The following NSG1 variants were observed in gnomAD, a reference collection of about 807,000 sequenced individuals.
NSG1 encodes the protein neuronal vesicle trafficking associated 1.
Under a neutral mutation model 19.3 loss-of-function variants are expected in NSG1, and 9 were observed. The observed-to-expected ratio is 0.47, with a 90% CI of 0.28 to 0.81. The LOEUF is 0.81. NSG1 is among the 40% of genes least tolerant of loss of function. The pLI, the probability that NSG1 is intolerant of heterozygous loss-of-function variation, is 0.11. For missense variants in NSG1, 236 were observed against 242.4 expected (o/e 0.97, Z 0.18); for synonymous variants, 104 against 107.0 (o/e 0.97, Z 0.17).
chr4:4,398,541 G>A (rs1034268166), intron 3 of NSG1, among the ~76,000 whole-genome samples: 7 of 152,298 alleles, frequency 4.6e-5, no homozygotes, highest in African/African-American at 1.7e-4. Flanking sequence ...CTTGTAAGAT[G>A]TGATGTGACC....
At chr4:4,404,562 C>T (rs773194450) in intron 3 of NSG1, among the ~76,000 whole-genome samples, 4 of 152,174 alleles carry the variant, frequency 2.6e-5, no homozygotes, top group Admixed American at 6.5e-5. Flanking sequence ...ATTGGTTGAA[C>T]GATGGAGTTG....
In NSG1 at chr4:4,391,514, A is replaced by G. The variant is rs755518801; in HGVS notation, c.169A>G (p.Lys57Glu). ...KTKTEYEPDR[K>E]KGKARPPQIA... ...TAAGACCGAGTATGAACCTGACCGC[A>G]AGAAAGGGAAAGCACGTCCTCCCCA... is the stretch of plus-strand genomic sequence containing the variant. The change falls in exon 3 of 5, where the codon AAG (lysine) becomes GAG (glutamate). Residue 57 changes from lysine (K) to glutamate (E), a missense_variant. By Grantham distance (56) the Lys-to-Glu change is moderately conservative. Transcript: ENST00000621129. The G allele has an allele frequency of 6.2e-6, 10 of 1,613,354 alleles. No homozygotes were observed. In the Admixed American group the frequency reaches 1.3e-4, roughly 22 times the overall value.
intron 3 of NSG1, among the ~76,000 whole-genome samples, chr4:4,406,807 C>G (rs1212427432): frequency 6.6e-6 from 1 of 152,220 alleles, no homozygotes; most frequent in Non-Finnish European, 1.5e-5. Context: ...TGTGCTCCGG[C>G]CCCTGTCCAG....
intron 3 of NSG1, among the ~76,000 whole-genome samples, chr4:4,402,427 G>T (rs1469976299): frequency 1.1e-4 from 13 of 119,668 alleles, no homozygotes; most frequent in African/African-American, 3.5e-4. Context: ...TTGCTCTGTC[G>T]CCCAGGCTGG....
At chr4:4,408,711 C>T (rs940777838) in intron 3 of NSG1, among the ~76,000 whole-genome samples, 7 of 152,104 alleles carry the variant, frequency 4.6e-5, no homozygotes, top group Admixed American at 4.6e-4. Flanking sequence ...CCACCCACCT[C>T]GGCATCCCAA....
At chr4:4,412,375 A>G (rs1012149070) in intron 4 of NSG1, among the ~76,000 whole-genome samples, 1 of 151,578 alleles carries the variant, frequency 6.6e-6, no homozygotes, top group Non-Finnish European at 1.5e-5. Flanking sequence ...TTTGTTTAAA[A>G]GGCGCTCCAG....
chr4:4,397,302 G>A (rs918268713), intron 3 of NSG1, among the ~76,000 whole-genome samples: 17 of 152,112 alleles, frequency 1.1e-4, no homozygotes, highest in Non-Finnish European at 2.5e-4. Context: ...GGCTTGGGGC[G>A]CCATGAGCAC....
At chr4:4,408,325 CTG>C (rs1307459905) in intron 3 of NSG1, among the ~76,000 whole-genome samples, 2 of 152,192 alleles carry the variant, frequency 1.3e-5, no homozygotes, top group South Asian at 2.1e-4. Context: ...GCGAGCAGCT[CTG>C]TGCATGTTCA....
At chr4:4,417,169 A>C in intron 4 of NSG1, 66 bp from the exon 5 acceptor site, 1 of 1,407,614 alleles carries the variant, frequency 7.1e-7, no homozygotes, top group Middle Eastern at 2.5e-4. Flanking sequence ...GTTGGCTGCC[A>C]ACTGGAGACA....
At chr4:4,387,468 C>G (rs1182125026) in intron 1 of NSG1, 136 bp from the exon 2 acceptor site, 1 of 620,338 alleles carries the variant, frequency 1.6e-6, no homozygotes, top group Admixed American at 3.0e-5. Flanking sequence ...ACCGCGTCCC[C>G]ACGAGCCCTC....
chr4:4,389,061 C>T (rs527316369), intron 2 of NSG1, among the ~76,000 whole-genome samples: 5 of 152,384 alleles, frequency 3.3e-5, no homozygotes, highest in Non-Finnish European at 7.3e-5. Flanking sequence ...CCCACACCCC[C>T]TCCTGCCTGG....
In NSG1 at chr4:4,391,559, A is replaced by G. The variant is rs1722994167; in HGVS notation, c.214A>G (p.Ser72Gly). The part of the protein sequence containing the change: ...RPPQIAEFTV[S>G]ITEGVTERFK... ...TCCCCAAATTGCTGAGTTCACCGTC[A>G]GCATCACGGAGGGTGTCACCGAGAG... Residue 72 changes from serine (S) to glycine (G), a missense_variant, in exon 3 of 5, where the codon AGC becomes GGC. By Grantham distance (56) the Ser-to-Gly change is moderately conservative. Transcript: ENST00000621129. 2 of 1,613,284 alleles carry G rather than the reference A, an allele frequency of 1.2e-6. No individual in the cohort carries two copies. Among genetic ancestry groups the G allele is most frequent in the Non-Finnish European group, 1.7e-6 (2 of 1,179,584 alleles).
rs367969715 is a variant in NSG1 at position 4,409,693 on chromosome 4, C to T, written c.357+10C>T. 42 of 1,606,624 alleles carry T rather than the reference C, an allele frequency of 2.6e-5. No homozygotes were observed. The highest frequency in any genetic ancestry group is 1.6e-4 in the Middle Eastern group (1 of 6,074). ...TGGGTTCGTCCTCAAGGTAAAACTC[C>T]GTTTTCCCCCAGAGGCCCTGGGACG... On this transcript the variant is annotated intron_variant, in intron 4 of 4. Transcript: ENST00000621129.
chr4:4,415,455 T>G (rs1320775312), intron 4 of NSG1, among the ~76,000 whole-genome samples: 2 of 152,072 alleles, frequency 1.3e-5, no homozygotes, highest in Non-Finnish European at 2.9e-5. Flanking sequence ...GAGATGGGTA[T>G]GGGGGGCGGC....
chr4:4,407,878 G>T (rs1577291729), intron 3 of NSG1, among the ~76,000 whole-genome samples: 1 of 152,290 alleles, frequency 6.6e-6, no homozygotes, highest in East Asian at 1.9e-4. Context: ...TGCACCCTGG[G>T]CCCTGGTGCT....
chr4:4,404,228 T>C (rs1005304012), intron 3 of NSG1, among the ~76,000 whole-genome samples: 5 of 152,254 alleles, frequency 3.3e-5, no homozygotes, highest in African/African-American at 7.2e-5. Context: ...GCGTTTGTTA[T>C]GTGTAAAGAA....
intron 3 of NSG1, among the ~76,000 whole-genome samples, chr4:4,400,927 G>A (rs948215330): frequency 1.3e-5 from 2 of 152,208 alleles, no homozygotes; most frequent in Admixed American, 6.5e-5. Context: ...GCAAGTCTAT[G>A]TATTGTGTTT....
At chr4:4,394,712 C>A (rs1383119618) in intron 3 of NSG1, among the ~76,000 whole-genome samples, 2 of 152,236 alleles carry the variant, frequency 1.3e-5, no homozygotes, top group African/African-American at 4.8e-5. Flanking sequence ...CTCTCTGGCG[C>A]TTCTTGCACA....
intron 4 of NSG1, chr4:4,416,237 C>T: frequency 1.4e-6 from 1 of 701,716 alleles, no homozygotes; most frequent in Non-Finnish European, 2.6e-6. Context: ...AGCTTCCCTT[C>T]TCCTGTAGCG....
Sources: gnomAD v4.1 joint callset for allele counts (sites outside exome capture counted in the v4.1 genomes callset) on GRCh38, gnomAD v4.1.1 for gene constraint, MANE v1.5 for transcripts, NCBI Gene and HGNC (gene_info 2026-07-23, HGNC 2026-07-21) for gene names.